MED13L: variants seen among roughly 807,000 people sequenced by gnomAD.
The protein encoded by MED13L is mediator complex subunit 13L.
MED13L carries 7 observed loss-of-function variants against 220.9 expected under a neutral mutation model. The ratio of observed to expected loss-of-function variants is 0.03; its 90% CI spans 0.02 to 0.06. MED13L has a LOEUF of 0.06. Ranked by LOEUF, MED13L falls within the 10% of genes least tolerant of loss-of-function variation. The pLI, the probability that MED13L is intolerant of heterozygous loss-of-function variation, is 1.00. For synonymous variants in MED13L, 1,011 were observed against 1,015.2 expected (o/e 1.00, Z 0.08); for missense variants, 1,965 against 2,760.5 (o/e 0.71, Z 6.46).
chr12:116,247,275 T>C (rs1325369184), intron 1 of MED13L, among the ~76,000 whole-genome samples: 2 of 151,660 alleles, frequency 1.3e-5, no homozygotes, highest in Non-Finnish European at 2.9e-5. Context: ...TTAATCAAAA[T>C]GGGGTAATAG....
In MED13L at chr12:115,983,216, C is replaced by G. The variant is rs1199925708; in HGVS notation, c.4856G>C (p.Gly1619Ala). 3.1e-6 allele frequency: 5 copies of G among 1,613,994 alleles called. No homozygotes were observed. Among genetic ancestry groups the G allele is most frequent in the Non-Finnish European group, 1.7e-6 (2 of 1,179,992 alleles). Residue 1619 changes from glycine to alanine, a missense_variant, in exon 21 of 31, where the codon GGG becomes GCG. By Grantham distance (60) the Gly-to-Ala change is moderately conservative. Transcript: ENST00000281928. ...GSVGGQNPST[G>A]GISADRTQGN... is the part of the protein sequence containing the mutation. ...TTGCGTTCTATCCGCAGAAATGCCC[C>G]CAGTGCTGGGGTTCTGCCCTCCAAC...
At position 116,130,187 on chromosome 12, in the gene MED13L, T is replaced by C. The variant is rs564445478; in HGVS notation, c.311-18675A>G. ...TCTCCTTTGAAAGTGATCATACTTGTATAAATTTAAGAAAAAAAATCTTGG... is the reference window on the plus strand; with the variant it reads ...TCTCCTTTGAAAGTGATCATACTTGCATAAATTTAAGAAAAAAAATCTTGG... On this transcript the variant is annotated intron_variant, in intron 2 of 30. Transcript: ENST00000281928. 3.3e-5 allele frequency among the ~76,000 whole-genome samples: 5 copies of C among 152,312 alleles called. No homozygotes were observed. The East Asian group carries it at 7.7e-4, about 23-fold the overall frequency.
Position 116,009,064 on chromosome 12 carries a change from C to A in MED13L, c.1349G>T (p.Ser450Ile), listed in dbSNP as rs1879229636. The change falls in exon 10 of 31, where the codon AGT becomes ATT. Residue 450 changes from serine to isoleucine, a missense_variant. By Grantham distance (142) the Ser-to-Ile change is moderately radical. Around this residue, in one of 10 missense-constraint regions of MED13L, gnomAD observed 818 missense variants for 1,041.2 expected, o/e 0.79. Transcript: ENST00000281928. The stretch of plus-strand genomic sequence containing the variant: ...AGATGAAGATGATGATGGTCCTGCA[C>A]TGAACCCTGGTTGAGATACTGTGGG... ...RPPTVSQPGFSAGPSSSSSLP... is the reference protein window; with the variant it reads ...RPPTVSQPGFIAGPSSSSSLP... 3 of 1,613,958 alleles carry A rather than the reference C, an allele frequency of 1.9e-6. No homozygotes were observed. In the Admixed American group the frequency reaches 5.0e-5, roughly 27 times the overall value.
In MED13L at chr12:115,960,611, G is replaced by A. The variant is rs903853676; in HGVS notation, c.*655C>T. 3.2e-5 allele frequency: 5 copies of A among 157,404 alleles called. No homozygotes were observed. The highest frequency in any genetic ancestry group is 6.0e-5 in the Admixed American group (1 of 16,800). The allele number at this position is 157,404 out of a possible 1,614,324, so 9.8% of individuals were successfully genotyped here. A position where few individuals can be genotyped will look rare whatever the true frequency, so the allele number is the denominator to read the frequency against. On this transcript the variant is annotated 3_prime_UTR_variant, in exon 31 of 31. Coordinates refer to ENST00000281928, the MANE Select transcript of MED13L (RefSeq NM_015335.5). ...GTTTCAGCTACTGTACCTGGTCCTT[G>A]TGAATTAAAAAAATAAAGTCACAAA...
At chr12:116,017,543 T>C (rs1179938026) in intron 7 of MED13L, among the ~76,000 whole-genome samples, 1 of 152,248 alleles carries the variant, frequency 6.6e-6, no homozygotes, top group Non-Finnish European at 1.5e-5. Context: ...TTTAGTTTAA[T>C]ATAGTTGATT....
intron 4 of MED13L, among the ~76,000 whole-genome samples, chr12:116,047,255 G>A (rs1490660650): frequency 6.6e-6 from 1 of 152,168 alleles, no homozygotes; most frequent in African/African-American, 2.4e-5. Flanking sequence ...TTGGGAGGCT[G>A]AGGTGAGAGC....
Position 115,961,234 on chromosome 12 carries a change from A to C in MED13L, c.*32T>G. Reference sequence around the variant, plus strand: ...TTGGACTGAGGTTGCAGGGAGAAGGAACTGAGCCAGAGAGAACAAGTGCTT... The same window carrying C: ...TTGGACTGAGGTTGCAGGGAGAAGGCACTGAGCCAGAGAGAACAAGTGCTT... On this transcript the variant is annotated 3_prime_UTR_variant, in exon 31 of 31. Transcript: ENST00000281928. 1 of 1,613,832 alleles carries C rather than the reference A, an allele frequency of 6.2e-7. No homozygotes were observed. Among genetic ancestry groups the C allele is most frequent in the Non-Finnish European group, 8.5e-7 (1 of 1,179,726 alleles).
intron 4 of MED13L, among the ~76,000 whole-genome samples, chr12:116,037,701 G>A (rs1940159927): frequency 6.6e-6 from 1 of 152,142 alleles, no homozygotes; most frequent in African/African-American, 2.4e-5. Flanking sequence ...TGGTATCAGA[G>A]AAGCAGCACA....
At chr12:116,273,966 A>G (rs1006716753) in intron 1 of MED13L, among the ~76,000 whole-genome samples, 1 of 152,262 alleles carries the variant, frequency 6.6e-6, no homozygotes, top group African/African-American at 2.4e-5. Flanking sequence ...TAACTGAATG[A>G]TTAACTGAGT....
intron 3 of MED13L, among the ~76,000 whole-genome samples, chr12:116,104,882 C>T (rs1026545328): frequency 3.6e-4 from 55 of 152,226 alleles, no homozygotes; most frequent in African/African-American, 1.2e-3. Context: ...GCTAGAAAAG[C>T]GAGATTTTCC....
chr12:116,109,021 T>C (rs1424189378), intron 3 of MED13L, among the ~76,000 whole-genome samples: 6 of 151,704 alleles, frequency 4.0e-5, no homozygotes, highest in Non-Finnish European at 8.8e-5. Context: ...CCAAAATTCT[T>C]TAGAACTATC....
intron 28 of MED13L, among the ~76,000 whole-genome samples, chr12:115,967,512 C>T (rs1876265577): frequency 6.6e-6 from 1 of 152,196 alleles, no homozygotes; most frequent in Non-Finnish European, 1.5e-5. Flanking sequence ...AGAAATACAG[C>T]ATACCTCTGT....
At chr12:116,264,973 C>T (rs1020252122) in intron 1 of MED13L, among the ~76,000 whole-genome samples, 5 of 152,168 alleles carry the variant, frequency 3.3e-5, no homozygotes, top group African/African-American at 1.2e-4. Flanking sequence ...CATCAAACCA[C>T]CATCTCTAGA....
intron 9 of MED13L, 133 bp from the exon 10 acceptor site, chr12:116,009,265 T>C (rs1879246415): frequency 7.2e-6 from 6 of 830,538 alleles, no homozygotes; most frequent in Middle Eastern, 3.2e-4. Flanking sequence ...ATTATACTTA[T>C]ATAACTAAAA....
intron 4 of MED13L, among the ~76,000 whole-genome samples, chr12:116,060,579 G>A (rs1284783959): frequency 0.019 from 1,713 of 88,558 alleles, 21 homozygotes; most frequent in African/African-American, 0.056. Context: ...GACTCCAAGG[G>A]AAAAAAAAAA....
Position 116,050,292 on chromosome 12 carries a change from A to G in MED13L, c.480-27691T>C, listed in dbSNP as rs577257007. Among the ~76,000 whole-genome samples the G allele has an allele frequency of 9.8e-5, 15 of 152,336 alleles. No homozygotes were observed. The East Asian group carries it at 2.7e-3, about 27-fold the overall frequency. ...TTAGAAAATATGTGAGCGGGCACAC[A>G]AAATCTTAAAATTGAAATGATAATT... On this transcript the variant is annotated intron_variant, in intron 4 of 30. Transcript: ENST00000281928.
At chr12:115,993,833 C>A (rs935998143) in intron 16 of MED13L, among the ~76,000 whole-genome samples, 2 of 152,130 alleles carry the variant, frequency 1.3e-5, no homozygotes, top group Non-Finnish European at 2.9e-5. Flanking sequence ...AGCAACCCTA[C>A]GCTAGAAGCT....
intron 2 of MED13L, among the ~76,000 whole-genome samples, chr12:116,183,814 G>A (rs866125517): frequency 1.2e-5 from 1 of 84,116 alleles, no homozygotes; most frequent in African/African-American, 5.7e-5. Flanking sequence ...GTGTGTGTGT[G>A]TGTGTATGTG....
At position 115,983,424 on chromosome 12, in the gene MED13L, G is replaced by A. The variant is rs1334782130; in HGVS notation, c.4648C>T (p.Pro1550Ser). The A allele has an allele frequency of 6.2e-7, 1 of 1,614,080 alleles. No homozygotes were observed. Among genetic ancestry groups the A allele is most frequent in the East Asian group, 2.2e-5 (1 of 44,890 alleles). The change falls in exon 21 of 31, where the codon CCA (proline) becomes TCA (serine). Residue 1550 changes from proline to serine, a missense_variant. Pro to Ser is a moderately conservative substitution (Grantham distance 74, BLOSUM62 -1). Coordinates refer to ENST00000281928, the MANE Select transcript of MED13L (RefSeq NM_015335.5). The part of the protein sequence containing the change: ...ATPGNAGPLA[P>S]NGSAAPPAGS... Reference sequence around the variant, plus strand: ...GCTGGGGGAGCTGCTGATCCATTTGGAGCTAAGGGCCCAGCATTCCCTGGC... The same window carrying A: ...GCTGGGGGAGCTGCTGATCCATTTGAAGCTAAGGGCCCAGCATTCCCTGGC...
Sources: allele counts gnomAD v4.1 joint callset (sites outside exome capture counted in the v4.1 genomes callset), GRCh38; gene constraint gnomAD v4.1.1; regional missense constraint gnomAD v4.1.1; transcripts MANE v1.5; gene names NCBI Gene and HGNC (gene_info 2026-07-23, HGNC 2026-07-21).